KCNB2: variants seen among roughly 807,000 people sequenced by gnomAD.
KCNB2 encodes delayed rectifier potassium channel protein.
KCNB2 carries 15 observed loss-of-function variants against 61.5 expected under a neutral mutation model. That is an observed-to-expected ratio of 0.24 (90% confidence interval 0.16 to 0.38). The LOEUF is 0.38. Ranked by LOEUF, KCNB2 falls within the 10% of genes least tolerant of loss-of-function variation. KCNB2 has a pLI of 1.00. For missense variants in KCNB2, 828 were observed against 1,125.2 expected (o/e 0.74, Z 3.78); for synonymous variants, 457 against 446.0 (o/e 1.02, Z -0.31).
intron 1 of KCNB2, among the ~76,000 whole-genome samples, chr8:72,556,095 C>T (rs1344342974): frequency 2.6e-5 from 4 of 152,058 alleles, no homozygotes; most frequent in Admixed American, 1.3e-4. Context: ...GTACAAGTCA[C>T]GTGAACTCAG....
At chr8:72,584,539 G>C (rs1806966814) in intron 2 of KCNB2, among the ~76,000 whole-genome samples, 1 of 152,042 alleles carries the variant, frequency 6.6e-6, no homozygotes, top group Non-Finnish European at 1.5e-5. Context: ...TAGCAGTCAT[G>C]ATTTATAGGA....
chr8:72,915,065 C>T (rs931630858), intron 2 of KCNB2, among the ~76,000 whole-genome samples: 2 of 151,950 alleles, frequency 1.3e-5, no homozygotes, highest in South Asian at 2.1e-4. Flanking sequence ...CCACCATGCC[C>T]CGCTAATTTT....
chr8:72,773,250 A>G (rs1025395544), intron 2 of KCNB2, among the ~76,000 whole-genome samples: 6 of 152,186 alleles, frequency 3.9e-5, no homozygotes, highest in African/African-American at 7.2e-5. Context: ...GCACGTCATG[A>G]AAACTCACCC....
intron 2 of KCNB2, among the ~76,000 whole-genome samples, chr8:72,594,271 A>G (rs1359343776): frequency 1.3e-5 from 2 of 152,182 alleles, no homozygotes; most frequent in Admixed American, 1.3e-4. Context: ...CCTCTACCAC[A>G]AGAAGCAAAG....
chr8:72,711,501 G>A (rs568286516), intron 2 of KCNB2, among the ~76,000 whole-genome samples: 49 of 152,316 alleles, frequency 3.2e-4, no homozygotes, highest in Non-Finnish European at 6.0e-4. Context: ...ATACACAAGA[G>A]CATATAGGAG....
intron 2 of KCNB2, among the ~76,000 whole-genome samples, chr8:72,872,667 A>G (rs565242923): frequency 6.6e-6 from 1 of 152,232 alleles, no homozygotes; most frequent in Non-Finnish European, 1.5e-5. Flanking sequence ...AAGAGAGAAC[A>G]GTTTTTCAAA....
intron 2 of KCNB2, among the ~76,000 whole-genome samples, chr8:72,803,235 GC>G (rs1281497436): frequency 6.6e-6 from 1 of 152,138 alleles, no homozygotes; most frequent in Non-Finnish European, 1.5e-5. Context: ...ACCCCCAAGA[GC>G]CAGCCAACTC....
chr8:72,644,577 A>G (rs935086546), intron 2 of KCNB2, among the ~76,000 whole-genome samples: 1 of 152,216 alleles, frequency 6.6e-6, no homozygotes, highest in Non-Finnish European at 1.5e-5. Flanking sequence ...TCTGTGGAAC[A>G]TAAACATAGC....
intron 2 of KCNB2, among the ~76,000 whole-genome samples, chr8:72,780,335 T>C (rs1808733279): frequency 6.6e-6 from 1 of 152,226 alleles, no homozygotes; most frequent in Non-Finnish European, 1.5e-5. Context: ...CTTTGCATTA[T>C]TCCTCTTCTA....
At chr8:72,570,565 A>G (rs189352661) in intron 2 of KCNB2, among the ~76,000 whole-genome samples, 9 of 151,928 alleles carry the variant, frequency 5.9e-5, no homozygotes, top group Admixed American at 5.9e-4. Flanking sequence ...CGAGTCCTAT[A>G]ACTTGTTTTT....
intron 2 of KCNB2, among the ~76,000 whole-genome samples, chr8:72,772,809 G>A (rs529436597): frequency 4.9e-4 from 74 of 152,292 alleles, no homozygotes; most frequent in Admixed American, 2.5e-3. Flanking sequence ...CTGTTCCAAA[G>A]CATCAGTGGC....
chr8:72,644,393 G>A (rs13269009), intron 2 of KCNB2, among the ~76,000 whole-genome samples: 1 of 152,084 alleles, frequency 6.6e-6, no homozygotes. Flanking sequence ...TGACAATGCA[G>A]GCTGGGTCTT....
intron 2 of KCNB2, among the ~76,000 whole-genome samples, chr8:72,718,369 G>A (rs1257376267): frequency 6.6e-6 from 1 of 152,124 alleles, no homozygotes; most frequent in Non-Finnish European, 1.5e-5. Context: ...GCACACGTAT[G>A]TTTATTGCAG....
chr8:72,781,696 TC>T, intron 2 of KCNB2, among the ~76,000 whole-genome samples: 1 of 152,306 alleles, frequency 6.6e-6, no homozygotes, highest in Non-Finnish European at 1.5e-5. Context: ...CTATATGGAC[TC>T]TTATTTGGTT....
At chr8:72,720,069 C>T (rs929888881) in intron 2 of KCNB2, among the ~76,000 whole-genome samples, 23 of 152,180 alleles carry the variant, frequency 1.5e-4, no homozygotes, top group African/African-American at 5.3e-4. Flanking sequence ...TCTCCCTGCA[C>T]GTTTCAGTCT....
At chr8:72,611,213 A>C (rs745798890) in intron 2 of KCNB2, among the ~76,000 whole-genome samples, 1 of 152,232 alleles carries the variant, frequency 6.6e-6, no homozygotes, top group Admixed American at 6.5e-5. Context: ...ACAATTATGC[A>C]TATGGATGAT....
chr8:72,596,907 T>A (rs2128981953), intron 2 of KCNB2, among the ~76,000 whole-genome samples: 1 of 152,212 alleles, frequency 6.6e-6, no homozygotes, highest in East Asian at 1.9e-4. Context: ...TGCTGGTTTA[T>A]TTTCTGCTGA....
intron 2 of KCNB2, among the ~76,000 whole-genome samples, chr8:72,771,946 A>T (rs1808568799): frequency 6.6e-6 from 1 of 152,178 alleles, no homozygotes; most frequent in African/African-American, 2.4e-5. Context: ...TTCCATGGAA[A>T]GCCACAGAGT....
chr8:72,833,291 T>C (rs1220621298), intron 2 of KCNB2, among the ~76,000 whole-genome samples: 5 of 152,140 alleles, frequency 3.3e-5, no homozygotes, highest in Non-Finnish European at 5.9e-5. Context: ...ACTGTGAAGA[T>C]CTACCAGGAT....
Sources: allele counts gnomAD v4.1 joint callset (sites outside exome capture counted in the v4.1 genomes callset), GRCh38; gene constraint gnomAD v4.1.1; transcripts MANE v1.5; gene names NCBI Gene and HGNC (gene_info 2026-07-23, HGNC 2026-07-21).